The following RANBP2 variants were observed in gnomAD, a reference collection of about 807,000 sequenced individuals.
RANBP2 encodes the protein E3 SUMO-protein ligase RanBP2.
Under a neutral mutation model 303.6 loss-of-function variants are expected in RANBP2, and 57 were observed. The observed-to-expected ratio is 0.19, with a 90% confidence interval of 0.15 to 0.23. The LOEUF is 0.23. Among genes scored for constraint, RANBP2 ranks in the 10% least tolerant of loss-of-function variants. The pLI, the probability that RANBP2 is intolerant of heterozygous loss-of-function variation, is 1.00. For missense variants in RANBP2, 3,138 were observed against 3,780.8 expected, an observed-to-expected ratio of 0.83 and a Z score of 4.46; for synonymous variants, 1,167 against 1,301.5, an observed-to-expected ratio of 0.90 and a Z score of 2.23.
the RANBP2 span, among the ~76,000 whole-genome samples, chr2:109,210,407 G>A: frequency 6.6e-6 from 1 of 152,202 alleles, no homozygotes; most frequent in African/African-American, 2.4e-5. Context: ...CCCTCGTTTT[G>A]TCTGTAGGCA....
the RANBP2 span, among the ~76,000 whole-genome samples, chr2:109,724,315 G>A: frequency 6.6e-6 from 1 of 152,150 alleles, no homozygotes; most frequent in Non-Finnish European, 1.5e-5. Flanking sequence ...AATGTCAATG[G>A]TAGTTTAATG....
chr2:109,578,251 TTG>T, the RANBP2 span, among the ~76,000 whole-genome samples: 1 of 152,156 alleles, frequency 6.6e-6, no homozygotes, highest in Non-Finnish European at 1.5e-5. Flanking sequence ...CATTGTCAGA[TTG>T]TGTTTTAAAA....
At chr2:109,477,970 C>T in the RANBP2 span, among the ~76,000 whole-genome samples, 42 of 152,286 alleles carry the variant, frequency 2.8e-4, no homozygotes, top group Middle Eastern at 3.4e-3. Context: ...GGAGGGTTCC[C>T]GCAAGGGCCT....
the RANBP2 span, among the ~76,000 whole-genome samples, chr2:109,183,719 C>T: frequency 6.6e-6 from 1 of 152,244 alleles, no homozygotes; most frequent in East Asian, 1.9e-4. Flanking sequence ...TCAGCACTTT[C>T]CTACATGGAG....
chr2:109,497,635 T>C, the RANBP2 span, among the ~76,000 whole-genome samples: 1 of 152,182 alleles, frequency 6.6e-6, no homozygotes, highest in Non-Finnish European at 1.5e-5. Flanking sequence ...TCTGTGTCTA[T>C]AACGGGGAGT....
chr2:109,234,022 A>C, the RANBP2 span, among the ~76,000 whole-genome samples: 1 of 152,190 alleles, frequency 6.6e-6, no homozygotes, highest in African/African-American at 2.4e-5. Flanking sequence ...ATTGACATGA[A>C]GGTTTTTGTG....
At chr2:109,567,200 T>C in the RANBP2 span, among the ~76,000 whole-genome samples, 1 of 152,196 alleles carries the variant, frequency 6.6e-6, no homozygotes, top group East Asian at 1.9e-4. Context: ...ACTTTGTAGA[T>C]ATGTTAAGTC....
At chr2:108,803,782 T>C in the RANBP2 span, among the ~76,000 whole-genome samples, 1 of 152,240 alleles carries the variant, frequency 6.6e-6, no homozygotes, top group Non-Finnish European at 1.5e-5. Flanking sequence ...TTAGTTGTTT[T>C]ATGGTTTATT....
chr2:109,377,490 G>C, the RANBP2 span, among the ~76,000 whole-genome samples: 1 of 152,196 alleles, frequency 6.6e-6, no homozygotes. Flanking sequence ...TGTGACGCCA[G>C]ACCCAAGCCT....
chr2:109,254,094 C>G, the RANBP2 span, among the ~76,000 whole-genome samples: 1 of 152,090 alleles, frequency 6.6e-6, no homozygotes. Context: ...GAGAATTTCC[C>G]TGGGCTAGTG....
the RANBP2 span, among the ~76,000 whole-genome samples, chr2:109,462,086 C>T: frequency 6.6e-6 from 1 of 151,438 alleles, no homozygotes; most frequent in East Asian, 1.9e-4. Flanking sequence ...ATTTCCCATC[C>T]TCTGACATGC....
the RANBP2 span, among the ~76,000 whole-genome samples, chr2:109,657,960 TCTGC>T: frequency 6.6e-6 from 1 of 151,692 alleles, no homozygotes; most frequent in South Asian, 2.1e-4. Flanking sequence ...CTTCAAGTGA[TCTGC>T]CTGCCTCAGC....
chr2:108,980,932 T>C, the RANBP2 span, among the ~76,000 whole-genome samples: 1 of 151,974 alleles, frequency 6.6e-6, no homozygotes, highest in African/African-American at 2.4e-5. Flanking sequence ...CCTGGCCAAA[T>C]TGATAGACTG....
Position 108,775,953 on chromosome 2 carries a change from G to T in RANBP2, c.8497+17G>T. ...CAAGCCAAGGTAAATCTTGATATAT[G>T]TTTATCATGTGTTACATAAGGGACA... On this transcript the variant is annotated intron_variant, in intron 24 of 28. Coordinates refer to ENST00000283195, the MANE Select transcript of RANBP2 (RefSeq NM_006267.5). 6.3e-7 allele frequency: 1 copy of T among 1,589,450 alleles called. No homozygotes were observed. Among genetic ancestry groups the T allele is most frequent in the Admixed American group, 1.7e-5 (1 of 59,464 alleles).
chr2:109,447,758 A>G, the RANBP2 span, among the ~76,000 whole-genome samples: 8 of 152,326 alleles, frequency 5.3e-5, no homozygotes, highest in East Asian at 1.4e-3. Context: ...CAGGATTACT[A>G]TTAATGTGGT....
At chr2:109,411,535 A>G in the RANBP2 span, among the ~76,000 whole-genome samples, 1 of 152,166 alleles carries the variant, frequency 6.6e-6, no homozygotes, top group Admixed American at 6.5e-5. Flanking sequence ...AGCAACAGAG[A>G]CCAGATTCAG....
the RANBP2 span, among the ~76,000 whole-genome samples, chr2:109,006,690 G>A: frequency 3.3e-5 from 5 of 152,250 alleles, no homozygotes; most frequent in South Asian, 8.3e-4. Flanking sequence ...TTTGGTGGGC[G>A]GCTAAGTGAG....
At chr2:109,522,267 TCTC>T in the RANBP2 span, among the ~76,000 whole-genome samples, 2 of 151,370 alleles carry the variant, frequency 1.3e-5, no homozygotes, top group Non-Finnish European at 2.9e-5. Context: ...CCCCAAAGGT[TCTC>T]TTTTCTTTTT....
chr2:108,826,419 G>A, the RANBP2 span, among the ~76,000 whole-genome samples: 2 of 152,082 alleles, frequency 1.3e-5, no homozygotes, highest in African/African-American at 4.8e-5. Flanking sequence ...GATGCATTTT[G>A]AGTTAGTTTT....
Sources: allele counts gnomAD v4.1 joint callset (sites outside exome capture counted in the v4.1 genomes callset), GRCh38; gene constraint gnomAD v4.1.1; transcripts MANE v1.5; gene names NCBI Gene and HGNC (gene_info 2026-07-23, HGNC 2026-07-21).